LRP1B: variants seen among roughly 807,000 people sequenced by gnomAD.
LRP1B encodes the protein low-density lipoprotein receptor-related protein 1B.
LRP1B carries 217 observed loss-of-function variants against 556.6 expected under a neutral mutation model. The observed-to-expected ratio is 0.39, with a 90% CI of 0.35 to 0.44. The LOEUF is 0.44. Among genes scored for constraint, LRP1B ranks in the 20% least tolerant of loss-of-function variants. The probability of loss-of-function intolerance (pLI) is 1.00; values close to 1 mark genes in which losing one functional copy is unlikely to be tolerated. For missense variants in LRP1B, 5,053 were observed against 5,620.8 expected (o/e 0.90, Z 3.23); for synonymous variants, 2,047 against 1,865.8 (o/e 1.10, Z -2.50).
At chr2:141,192,110 T>A (rs1681541352) in intron 6 of LRP1B, among the ~76,000 whole-genome samples, 1 of 151,908 alleles carries the variant, frequency 6.6e-6, no homozygotes, top group African/African-American at 2.4e-5. Flanking sequence ...TATGGGGAAT[T>A]GGCTTTGTTC....
At chr2:140,509,756 G>A (rs1689573596) in intron 52 of LRP1B, among the ~76,000 whole-genome samples, 172 bp downstream of exon 52, 2 of 152,166 alleles carry the variant, frequency 1.3e-5, no homozygotes, top group African/African-American at 4.8e-5. Context: ...AGTTAAAGAG[G>A]TTGCAGAACT....
intron 2 of LRP1B, among the ~76,000 whole-genome samples, chr2:141,796,998 G>GT (rs1346023042): frequency 1.3e-5 from 2 of 151,014 alleles, no homozygotes; most frequent in Non-Finnish European, 3.0e-5. Flanking sequence ...GTCTCGAGGA[G>GT]TTTTTTCCTA....
chr2:141,895,023 T>C (rs1162145661), intron 1 of LRP1B, among the ~76,000 whole-genome samples: 2 of 128,376 alleles, frequency 1.6e-5, no homozygotes, highest in African/African-American at 3.0e-5. Flanking sequence ...ACTCCAGCCT[T>C]GGCAACAAGA....
At chr2:140,362,336 G>C (rs2105145970) in intron 72 of LRP1B, among the ~76,000 whole-genome samples, 1 of 151,716 alleles carries the variant, frequency 6.6e-6, no homozygotes, top group Admixed American at 6.6e-5. Context: ...AAATACAGAT[G>C]ATCTCCAATT....
At chr2:140,931,956 A>G (rs1352479401) in intron 20 of LRP1B, among the ~76,000 whole-genome samples, 1 of 152,168 alleles carries the variant, frequency 6.6e-6, no homozygotes, top group Non-Finnish European at 1.5e-5. Context: ...AGAAATTGCA[A>G]TGTGGATAGG....
intron 7 of LRP1B, among the ~76,000 whole-genome samples, chr2:141,159,393 G>GT (rs1448526971): frequency 1.3e-5 from 2 of 151,880 alleles, no homozygotes; most frequent in Non-Finnish European, 2.9e-5. Context: ...TTTTATTTTT[G>GT]TTTTTTTGTT....
intron 7 of LRP1B, among the ~76,000 whole-genome samples, chr2:141,144,683 A>G (rs1701738888): frequency 6.6e-6 from 1 of 152,164 alleles, no homozygotes; most frequent in African/African-American, 2.4e-5. Context: ...AGGCCCTATA[A>G]AAGTACCATC....
At position 141,191,632 on chromosome 2, in the gene LRP1B, G is replaced by A. The variant is rs139498470; in HGVS notation, c.851-3049C>T. On this transcript the variant is annotated intron_variant, in intron 6 of 90. Coordinates refer to ENST00000389484, the MANE Select transcript of LRP1B (RefSeq NM_018557.3). ...ACTAGTTTTATTCCTAAATTATACA[G>A]TCTTTATAAAATCATAAATATTTAA... is the stretch of plus-strand genomic sequence containing the variant. Among the ~76,000 whole-genome samples the A allele has an allele frequency of 6.2e-4, 94 of 151,022 alleles. No individual in the cohort carries two copies. In the East Asian group the frequency reaches 0.017, roughly 28 times the overall value.
At chr2:142,024,893 A>C (rs1018260283) in intron 1 of LRP1B, among the ~76,000 whole-genome samples, 1 of 152,164 alleles carries the variant, frequency 6.6e-6, no homozygotes, top group African/African-American at 2.4e-5. Context: ...CTATTTTTTG[A>C]GCACCTACCC....
At chr2:141,351,447 T>C (rs1362336735) in intron 3 of LRP1B, among the ~76,000 whole-genome samples, 1 of 152,012 alleles carries the variant, frequency 6.6e-6, no homozygotes, top group Non-Finnish European at 1.5e-5. Context: ...GCTTCAGAGC[T>C]TCTGACCAGG....
chr2:140,723,923 A>G (rs141928500), intron 35 of LRP1B, among the ~76,000 whole-genome samples: 4 of 152,312 alleles, frequency 2.6e-5, no homozygotes, highest in African/African-American at 9.6e-5. Flanking sequence ...AACAACAACT[A>G]TATAACCTTC....
At chr2:140,357,917 A>G (rs1158614660) in intron 74 of LRP1B, 62 bp downstream of exon 74, 1 of 1,556,656 alleles carries the variant, frequency 6.4e-7, no homozygotes, top group African/African-American at 1.4e-5. Flanking sequence ...CATTTTAGTC[A>G]TGTACAAGCA....
intron 3 of LRP1B, among the ~76,000 whole-genome samples, chr2:141,279,030 T>C (rs898761152): frequency 6.6e-6 from 1 of 152,130 alleles, no homozygotes; most frequent in Non-Finnish European, 1.5e-5. Context: ...AACAGATAAA[T>C]TATTCAAGGA....
chr2:141,142,149 A>G (rs1253992318), intron 7 of LRP1B, among the ~76,000 whole-genome samples: 2 of 152,150 alleles, frequency 1.3e-5, no homozygotes, highest in Non-Finnish European at 2.9e-5. Context: ...TTTAACTGCC[A>G]TGTCCTGATT....
At chr2:140,573,680 A>C (rs887318786) in intron 43 of LRP1B, among the ~76,000 whole-genome samples, 1 of 152,028 alleles carries the variant, frequency 6.6e-6, no homozygotes, top group Non-Finnish European at 1.5e-5. Context: ...TATCTTTAAG[A>C]AAACAAAATT....
At chr2:140,564,988 CA>C (rs1258529231) in intron 43 of LRP1B, among the ~76,000 whole-genome samples, 1 of 151,656 alleles carries the variant, frequency 6.6e-6, no homozygotes, top group African/African-American at 2.4e-5. Context: ...GATTTAGCTG[CA>C]ATTTAAGAAG....
At chr2:141,243,558 C>G (rs544974134) in intron 5 of LRP1B, among the ~76,000 whole-genome samples, 359 of 152,198 alleles carry the variant, frequency 2.4e-3, no homozygotes, top group African/African-American at 8.2e-3. Flanking sequence ...AACAAATGCT[C>G]TCATAAAAAT....
rs2105455679 is a variant in LRP1B, at chr2:141,055,131, C to T, written c.1537G>A (p.Gly513Ser). 1 of 1,611,908 alleles carries T rather than the reference C, an allele frequency of 6.2e-7. No homozygotes were observed. Among genetic ancestry groups the T allele is most frequent in the Non-Finnish European group, 8.5e-7 (1 of 1,178,824 alleles). The change falls in exon 10 of 91, where the codon GGC becomes AGC. Residue 513 changes from glycine to serine, a missense_variant. By Grantham distance (56) the Gly-to-Ser change is moderately conservative. Around this residue, in one of 5 missense-constraint regions of LRP1B, gnomAD observed 3,619 missense variants for 3,931.9 expected, o/e 0.92. Coordinates refer to ENST00000389484, the MANE Select transcript of LRP1B (RefSeq NM_018557.3). ...CRTGFNLGSDGRSCKRPKNEL... is the reference protein window; with the variant it reads ...CRTGFNLGSDSRSCKRPKNEL... ...AACAACATACTTTTGCATGACCTGCCATCACTTCCCAAGTTGAAGCCAGTC... is the reference window on the plus strand; with the variant it reads ...AACAACATACTTTTGCATGACCTGCTATCACTTCCCAAGTTGAAGCCAGTC...
chr2:141,275,598 T>C (rs1685255287), intron 3 of LRP1B, among the ~76,000 whole-genome samples: 1 of 152,142 alleles, frequency 6.6e-6, no homozygotes, highest in Non-Finnish European at 1.5e-5. Flanking sequence ...TAGTCTTGAC[T>C]ACTATTTGGG....
Sources: gnomAD v4.1 joint callset for allele counts (sites outside exome capture counted in the v4.1 genomes callset) on GRCh38, gnomAD v4.1.1 for gene constraint, gnomAD v4.1.1 regional missense constraint, MANE v1.5 for transcripts, NCBI Gene and HGNC (gene_info 2026-07-23, HGNC 2026-07-21) for gene names.